The following NAA60 variants were observed in gnomAD, a reference collection of about 807,000 sequenced individuals.
NAA60 encodes the protein N-alpha-acetyltransferase 60, NatF catalytic subunit, also known as N-alpha-acetyltransferase 60.
In NAA60, 8 loss-of-function variants were observed where a neutral mutation model predicts 26.1. The observed-to-expected ratio is 0.31, with a 90% CI of 0.18 to 0.55. NAA60 has a LOEUF of 0.55. NAA60 is among the 20% of genes least tolerant of loss of function. NAA60 has a pLI of 0.93. For synonymous variants in NAA60, 131 were observed against 122.5 expected, an observed-to-expected ratio of 1.07 and a Z score of -0.46; for missense variants, 290 against 311.3, an observed-to-expected ratio of 0.93 and a Z score of 0.51.
intron 2 of NAA60, among the ~76,000 whole-genome samples, chr16:3,466,146 G>A (rs2035746830): frequency 6.6e-6 from 1 of 152,208 alleles, no homozygotes; most frequent in Non-Finnish European, 1.5e-5. Flanking sequence ...CACCACTCTG[G>A]GTGCCAGCAC....
chr16:3,444,104 C>T (rs2034451776), intron 1 of NAA60, among the ~76,000 whole-genome samples: 1 of 152,194 alleles, frequency 6.6e-6, no homozygotes, highest in Non-Finnish European at 1.5e-5. Context: ...CGAGCTGCTT[C>T]AGCTTCCTAG....
At chr16:3,473,688 C>T (rs1462740776) in intron 2 of NAA60, among the ~76,000 whole-genome samples, 1 of 151,348 alleles carries the variant, frequency 6.6e-6, no homozygotes, top group Non-Finnish European at 1.5e-5. Flanking sequence ...GTGCGAGCCA[C>T]CATGCTTGGC....
At position 3,463,794 on chromosome 16, in the gene NAA60, C is replaced by G. The variant is rs146892935; in HGVS notation, c.-6-12428C>G. Among the ~76,000 whole-genome samples the G allele has an allele frequency of 5.9e-3, 902 of 152,022 alleles. 15 individuals carry two copies. Among genetic ancestry groups the G allele is most frequent in the African/African-American group, 0.02 (839 of 41,470 alleles). On this transcript the variant is annotated intron_variant, in intron 2 of 7. Coordinates refer to ENST00000407558, the MANE Select transcript of NAA60 (RefSeq NM_001083601.3). ...GCTGAGGTTGAGGGATCCCTTGAAC[C>G]CTAAAGTTCGAGACCAGCTTGGGCA...
At chr16:3,478,803 A>G (rs1383689408) in intron 3 of NAA60, among the ~76,000 whole-genome samples, 2 of 152,054 alleles carry the variant, frequency 1.3e-5, no homozygotes, top group African/African-American at 2.4e-5. Context: ...CAGAAGTCTC[A>G]CAGATTCTCG....
chr16:3,460,849 C>G (rs1414697794), intron 2 of NAA60, among the ~76,000 whole-genome samples: 1 of 152,236 alleles, frequency 6.6e-6, no homozygotes, highest in Non-Finnish European at 1.5e-5. Context: ...GAATTTGATT[C>G]AGCAAATAGT....
In NAA60 at chr16:3,485,593, C is replaced by T. The variant is rs1311485700; in HGVS notation, c.*333C>T. The T allele has an allele frequency of 1.1e-5, 5 of 455,958 alleles. No individual in the cohort carries two copies. The highest frequency in any genetic ancestry group is 8.0e-5 in the African/African-American group (4 of 50,084). The allele number at this position is 455,958 out of a possible 1,614,324, so 28.2% of individuals were successfully genotyped here. ...ATTCACTGGGAGGGGCCTGCCCTCA[C>T]TGGGCCTCTCCCACTCCGCTGCCTG... On this transcript the variant is annotated 3_prime_UTR_variant, in exon 8 of 8. Transcript: ENST00000407558.
chr16:3,472,841 C>G (rs2036239227), intron 2 of NAA60, among the ~76,000 whole-genome samples: 1 of 152,208 alleles, frequency 6.6e-6, no homozygotes, highest in Non-Finnish European at 1.5e-5. Flanking sequence ...CTAAATTAAA[C>G]TAAATTCTGG....
intron 2 of NAA60, among the ~76,000 whole-genome samples, chr16:3,468,684 C>T (rs540176417): frequency 1.6e-4 from 25 of 152,332 alleles, no homozygotes; most frequent in East Asian, 5.8e-4. Context: ...GCTCCACCTC[C>T]GGAAGGCGGA....
At chr16:3,474,360 C>G (rs1237665075) in intron 2 of NAA60, among the ~76,000 whole-genome samples, 1 of 152,176 alleles carries the variant, frequency 6.6e-6, no homozygotes, top group Non-Finnish European at 1.5e-5. Context: ...CCAGCACTGT[C>G]CTGACACTTG....
intron 2 of NAA60, among the ~76,000 whole-genome samples, chr16:3,459,541 C>T (rs2035237056): frequency 6.6e-6 from 1 of 152,146 alleles, no homozygotes; most frequent in Admixed American, 6.5e-5. Context: ...GCAGTGAAGG[C>T]TAGTCTTCAT....
Position 3,448,509 on chromosome 16 carries a change from G to C in NAA60, c.-38G>C. 2 of 1,535,628 alleles carry C rather than the reference G, an allele frequency of 1.3e-6. No individual in the cohort carries two copies. On this transcript the variant is annotated 5_prime_UTR_variant, in exon 2 of 8. Coordinates refer to ENST00000407558, the MANE Select transcript of NAA60 (RefSeq NM_001083601.3). ...TGTACCTGGAGGAAGGAAGTGCGGA[G>C]CCAGCCTGAGTTGGGAGAAGAGCTC...
At chr16:3,474,843 C>T (rs976063837) in intron 2 of NAA60, among the ~76,000 whole-genome samples, 2 of 152,234 alleles carry the variant, frequency 1.3e-5, no homozygotes, top group Non-Finnish European at 2.9e-5. Context: ...TATTAGCTGG[C>T]ATTCTTCTGT....
At chr16:3,483,318 T>C in intron 5 of NAA60, 45 bp from the exon 6 acceptor site, 1 of 1,442,140 alleles carries the variant, frequency 6.9e-7, no homozygotes, top group Non-Finnish European at 9.6e-7. Context: ...TCATCCTTCC[T>C]TCCTAACTGC....
At chr16:3,451,192 A>T (rs1184513733) in intron 2 of NAA60, among the ~76,000 whole-genome samples, 4 of 152,214 alleles carry the variant, frequency 2.6e-5, no homozygotes, top group Non-Finnish European at 4.4e-5. Flanking sequence ...AGAATGGGGA[A>T]GGAAGAAATG....
In NAA60 at chr16:3,479,506, A is replaced by G. The variant is rs771726355; in HGVS notation, c.146A>G (p.Asn49Ser). 33 of 1,613,924 alleles carry G rather than the reference A, an allele frequency of 2.0e-5. No individual in the cohort carries two copies. The highest frequency in any genetic ancestry group is 3.3e-5 in the Admixed American group (2 of 60,002). Residue 49 changes from asparagine to serine, a missense_variant, in exon 4 of 8, where the codon AAC (asparagine) becomes AGC (serine). Coordinates refer to ENST00000407558, the MANE Select transcript of NAA60 (RefSeq NM_001083601.3). The stretch of plus-strand genomic sequence containing the variant: ...TCATGGTATCGTGATATCACATCCA[A>G]CAAGAAGTTCTTTTCCCTTGCTGCA... ...PDSWYRDITS[N>S]KKFFSLAATY...
In NAA60 at chr16:3,457,981, G is replaced by A. The variant is rs1051792463; in HGVS notation, c.-7+9441G>A. The A allele has an allele frequency of 1.5e-5, 15 of 985,326 alleles. No homozygotes were observed. The East Asian group carries it at 1.7e-3, about 112-fold the overall frequency. The allele number at this position is 985,326 out of a possible 1,614,324, so 61.0% of individuals were successfully genotyped here. On this transcript the variant is annotated intron_variant, in intron 2 of 7. Transcript: ENST00000407558. ...GGGGGCGGGGCCACGTGGGGGCGGCGGCCAATGGGCTTCCGGGCTGCGCTG... is the reference window on the plus strand; with the variant it reads ...GGGGGCGGGGCCACGTGGGGGCGGCAGCCAATGGGCTTCCGGGCTGCGCTG...
intron 2 of NAA60, among the ~76,000 whole-genome samples, chr16:3,460,033 G>A (rs1331410412): frequency 1.3e-5 from 2 of 152,204 alleles, no homozygotes; most frequent in Non-Finnish European, 1.5e-5. Flanking sequence ...AACTGGAGAC[G>A]GGGTGTACCT....
intron 2 of NAA60, among the ~76,000 whole-genome samples, chr16:3,449,487 C>T (rs985476855): frequency 1.3e-5 from 2 of 152,014 alleles, no homozygotes; most frequent in Non-Finnish European, 2.9e-5. Context: ...CACTGTACTC[C>T]AGACTGGGCG....
chr16:3,459,761 A>G (rs572459517), intron 2 of NAA60, among the ~76,000 whole-genome samples: 1 of 152,202 alleles, frequency 6.6e-6, no homozygotes, highest in Non-Finnish European at 1.5e-5. Flanking sequence ...ACAGCTTTTT[A>G]AAAGGTCTGT....
Sources: gnomAD v4.1 joint callset for allele counts (sites outside exome capture counted in the v4.1 genomes callset) on GRCh38, gnomAD v4.1.1 for gene constraint, MANE v1.5 for transcripts, NCBI Gene and HGNC (gene_info 2026-07-23, HGNC 2026-07-21) for gene names.